Variants in CFAP54 observed in about 807,000 individuals in gnomAD.
The protein encoded by CFAP54 is cilia- and flagella-associated protein 54.
In CFAP54, 290 loss-of-function variants were observed where a neutral mutation model predicts 370.4. The observed-to-expected ratio is 0.78, with a 90% CI of 0.71 to 0.86. CFAP54 has a LOEUF of 0.86. Ranked by LOEUF, CFAP54 falls within the 40% of genes least tolerant of loss-of-function variation. The pLI, the probability that CFAP54 is intolerant of heterozygous loss-of-function variation, is 0.00. For missense variants in CFAP54, 3,399 were observed against 3,528.7 expected (o/e 0.96, Z 0.93); for synonymous variants, 1,206 against 1,236.5 (o/e 0.98, Z 0.52).
chr12:96,497,841 C>A (rs1234701156), intron 1 of CFAP54, among the ~76,000 whole-genome samples: 1 of 152,180 alleles, frequency 6.6e-6, no homozygotes, highest in Non-Finnish European at 1.5e-5. Flanking sequence ...TGGCTTTTTA[C>A]GTAGATAAGA....
intron 63 of CFAP54, among the ~76,000 whole-genome samples, chr12:96,802,904 C>T (rs1958837378): frequency 6.6e-6 from 1 of 152,118 alleles, no homozygotes; most frequent in Non-Finnish European, 1.5e-5. Flanking sequence ...GTTCAACTCC[C>T]ACTTATGAGT....
intron 1 of CFAP54, among the ~76,000 whole-genome samples, chr12:96,496,642 C>T (rs1828800120): frequency 6.6e-6 from 1 of 152,108 alleles, no homozygotes; most frequent in African/African-American, 2.4e-5. Context: ...TCCTTAGAGG[C>T]TCTGTTTCCA....
At chr12:96,854,861 A>G (rs1190318910) in intron 66 of CFAP54, among the ~76,000 whole-genome samples, 1 of 152,188 alleles carries the variant, frequency 6.6e-6, no homozygotes, top group East Asian at 1.9e-4. Context: ...AGGTAAACTC[A>G]TGTCTTGGGG....
At chr12:96,832,900 G>C (rs910211952) in intron 66 of CFAP54, among the ~76,000 whole-genome samples, 1 of 152,168 alleles carries the variant, frequency 6.6e-6, no homozygotes, top group African/African-American at 2.4e-5. Flanking sequence ...ACAGTACTGG[G>C]ATAGTAAATG....
intron 26 of CFAP54, among the ~76,000 whole-genome samples, chr12:96,599,222 T>C (rs1208142776): frequency 1.4e-5 from 2 of 147,258 alleles, no homozygotes; most frequent in African/African-American, 5.0e-5. Flanking sequence ...TGTGTTCTCA[T>C]TGTTCAGCTC....
In CFAP54 at chr12:96,744,110, C is replaced by A; in HGVS notation, c.7648C>A (p.His2550Asn). ...GCCTTTGAAAAATATCTATCTTCCC[C>A]ATGTCATGTTATTGGCCAAAATAAA... ...LQPLKNIYLP[H>N]VMLLAKIKMR... The change falls in exon 55 of 68, where the codon CAT becomes AAT. Residue 2550 changes from histidine (H) to asparagine (N), a missense_variant. By Grantham distance (68) the His-to-Asn change is moderately conservative (BLOSUM62 1). Coordinates refer to ENST00000524981, the MANE Select transcript of CFAP54 (RefSeq NM_001306084.2). 4.3e-6 allele frequency: 7 copies of A among 1,609,808 alleles called. No homozygotes were observed. Among genetic ancestry groups the A allele is most frequent in the Non-Finnish European group, 5.9e-6 (7 of 1,176,826 alleles).
chr12:96,802,886 T>A (rs1958837075), intron 63 of CFAP54, among the ~76,000 whole-genome samples: 1 of 152,130 alleles, frequency 6.6e-6, no homozygotes, highest in South Asian at 2.1e-4. Context: ...TGTCCATGTG[T>A]TCTCATTGTT....
At chr12:96,646,646 T>C (rs1038593020) in intron 33 of CFAP54, 1 of 152,196 alleles carries the variant, frequency 6.6e-6, no homozygotes, top group Admixed American at 6.5e-5. Flanking sequence ...TAAAGACACA[T>C]GCACAAATAT....
At chr12:96,860,551 CA>C (rs1205262119) in intron 66 of CFAP54, among the ~76,000 whole-genome samples, 1 of 152,050 alleles carries the variant, frequency 6.6e-6, no homozygotes, top group Non-Finnish European at 1.5e-5. Context: ...GGAGAAGGGC[CA>C]AAAGTCTTAC....
chr12:96,671,855 G>A lies in CFAP54; in HGVS notation c.5564-7745G>A, dbSNP rs186740858. ...GAGAATCACTTGAACCCAGGAGGTGGAGGTTGCAGTGAGCCAAGATCGTGC... is the reference window on the plus strand; with the variant it reads ...GAGAATCACTTGAACCCAGGAGGTGAAGGTTGCAGTGAGCCAAGATCGTGC... On this transcript the variant is annotated intron_variant, in intron 39 of 67. Coordinates refer to ENST00000524981, the MANE Select transcript of CFAP54 (RefSeq NM_001306084.2). 3.9e-5 allele frequency among the ~76,000 whole-genome samples: 6 copies of A among 152,266 alleles called. No individual in the cohort carries two copies. In the East Asian group the frequency reaches 9.7e-4, roughly 24 times the overall value.
In CFAP54 at chr12:96,743,732, A is replaced by T. The variant is rs779812289; in HGVS notation, c.7379A>T (p.Asp2460Val). Residue 2460 changes from aspartate to valine, a missense_variant and splice_region_variant, in exon 54 of 68, where the codon GAT becomes GTT. By Grantham distance (152) the Asp-to-Val change is radical. Transcript: ENST00000524981. ...LKADIMTNLQ[D>V]IIHLLEGNEF... ...AAATGAATAATTTTATTTTAATAGG[A>T]TATAATACATTTGCTGGAAGGAAAT... 4 of 1,599,030 alleles carry T rather than the reference A, an allele frequency of 2.5e-6. No individual in the cohort carries two copies. In the South Asian group the frequency reaches 3.4e-5, roughly 13 times the overall value.
chr12:96,826,369 T>C (rs1435941022), intron 65 of CFAP54, among the ~76,000 whole-genome samples: 4 of 75,696 alleles, frequency 5.3e-5, no homozygotes, highest in African/African-American at 2.1e-4. Context: ...CATATAGTTA[T>C]ATATATTCAA....
At position 96,580,595 on chromosome 12, in the gene CFAP54, A is replaced by C; in HGVS notation, c.2797-2A>C. 6.7e-7 allele frequency: 1 copy of C among 1,485,812 alleles called. No individual in the cohort carries two copies. The highest frequency in any genetic ancestry group is 8.9e-7 in the Non-Finnish European group (1 of 1,122,116). The allele number at this position is 1,485,812 out of a possible 1,614,324, so 92.0% of individuals were successfully genotyped here. On this transcript the variant is annotated splice_acceptor_variant, in intron 20 of 67. Transcript: ENST00000524981. LOFTEE classifies it high-confidence loss of function. ...AAACAGGCTCATTTTTCTCGTCGGCAGGTCTCCTGGTACTGCATTTTGGGT... is the reference window on the plus strand; with the variant it reads ...AAACAGGCTCATTTTTCTCGTCGGCCGGTCTCCTGGTACTGCATTTTGGGT...
rs186143048 is a variant in CFAP54 at position 96,681,588 on chromosome 12, T to C, written c.5716+1836T>C. The stretch of plus-strand genomic sequence containing the variant: ...CCTCTGTAGTGCTTTTTTTTTTGGA[T>C]GGAGTCTTGCTGTCTTGCCCAGGCT... On this transcript the variant is annotated intron_variant, in intron 40 of 67. Transcript: ENST00000524981. Among the ~76,000 whole-genome samples the C allele has an allele frequency of 4.9e-3, 745 of 151,918 alleles. 4 individuals carry two copies. Among genetic ancestry groups the C allele is most frequent in the African/African-American group, 0.017 (706 of 41,380 alleles).
Position 96,657,956 on chromosome 12 carries a change from T to C in CFAP54, c.5175T>C (p.Ser1725=). The C allele has an allele frequency of 6.2e-7, 1 of 1,613,870 alleles. No homozygotes were observed. The highest frequency in any genetic ancestry group is 8.5e-7 in the Non-Finnish European group (1 of 1,179,856). The change falls in exon 37 of 68, where the codon AGT becomes AGC. Residue 1725 remains serine, a synonymous_variant. Transcript: ENST00000524981. ...GNIKNDNGGS[S]LTFEHPLDDV... is the part of the protein sequence containing the mutation. ...TTAAAAATGACAACGGTGGTTCTAG[T>C]CTTACCTTTGAGCATCCTTTGGATG...
chr12:96,869,285 T>G (rs1490992380), intron 67 of CFAP54, among the ~76,000 whole-genome samples: 1 of 152,206 alleles, frequency 6.6e-6, no homozygotes, highest in Non-Finnish European at 1.5e-5. Flanking sequence ...TTCAAATATA[T>G]TTTGGGTTGT....
At chr12:96,534,287 T>A in intron 11 of CFAP54, 60 bp downstream of exon 11, 3 of 960,714 alleles carry the variant, frequency 3.1e-6, no homozygotes, top group Non-Finnish European at 4.5e-6. Context: ...CTTTTATAGA[T>A]ATGGTGAGAG....
chr12:96,673,568 A>G (rs943751964), intron 39 of CFAP54, among the ~76,000 whole-genome samples: 5 of 152,178 alleles, frequency 3.3e-5, no homozygotes, highest in African/African-American at 1.2e-4. Context: ...TTTTTGGTCT[A>G]TGCTCTTGGG....
intron 48 of CFAP54, among the ~76,000 whole-genome samples, chr12:96,711,427 G>A (rs1342579850): frequency 6.6e-6 from 1 of 151,918 alleles, no homozygotes; most frequent in Non-Finnish European, 1.5e-5. Flanking sequence ...TTATGAGTTG[G>A]GAAAAAGACT....
Sources: gnomAD v4.1 joint callset for allele counts (sites outside exome capture counted in the v4.1 genomes callset) on GRCh38, gnomAD v4.1.1 for gene constraint, MANE v1.5 for transcripts, NCBI Gene and HGNC (gene_info 2026-07-23, HGNC 2026-07-21) for gene names.